Variants in CDK14 observed in about 807,000 individuals in gnomAD.
CDK14 encodes the protein cyclin-dependent kinase 14.
In CDK14, 34 loss-of-function variants were observed where a neutral mutation model predicts 60.7. That is an observed-to-expected ratio of 0.56 (90% CI 0.43 to 0.75). The LOEUF (loss-of-function observed/expected upper bound fraction) is 0.75. Ranked by LOEUF, CDK14 falls within the 30% of genes least tolerant of loss-of-function variation. CDK14 has a pLI of 0.00. For missense variants in CDK14, 482 were observed against 564.1 expected (o/e 0.85, Z 1.47); for synonymous variants, 197 against 203.7 (o/e 0.97, Z 0.28).
intron 5 of CDK14, among the ~76,000 whole-genome samples, chr7:90,857,994 T>C (rs1452306790): frequency 6.6e-6 from 1 of 152,228 alleles, no homozygotes; most frequent in African/African-American, 2.4e-5. Flanking sequence ...ATTATGTTAA[T>C]CTTAAAAGCA....
chr7:90,671,694 A>G (rs1188638796), intron 2 of CDK14, among the ~76,000 whole-genome samples: 4 of 152,156 alleles, frequency 2.6e-5, no homozygotes, highest in Admixed American at 6.6e-5. Context: ...TAGCTTATAT[A>G]TCACCACTAG....
At chr7:90,669,270 A>G (rs959461837) in intron 2 of CDK14, among the ~76,000 whole-genome samples, 1 of 152,196 alleles carries the variant, frequency 6.6e-6, no homozygotes, top group African/African-American at 2.4e-5. Context: ...CCAAGTTGTA[A>G]TGGATATCTG....
intron 2 of CDK14, among the ~76,000 whole-genome samples, chr7:90,703,209 C>T (rs1022391225): frequency 1.3e-5 from 2 of 152,134 alleles, no homozygotes; most frequent in Admixed American, 1.3e-4. Context: ...TTGATGCTAT[C>T]CCAAGGATTT....
chr7:90,986,383 C>T (rs1026995799), intron 10 of CDK14, among the ~76,000 whole-genome samples: 1 of 151,926 alleles, frequency 6.6e-6, no homozygotes, highest in African/African-American at 2.4e-5. Flanking sequence ...ACTATTTGTT[C>T]ATATCCATCC....
intron 9 of CDK14, among the ~76,000 whole-genome samples, chr7:90,977,053 T>A (rs976483106): frequency 1.1e-4 from 17 of 152,174 alleles, no homozygotes; most frequent in Admixed American, 6.6e-5. Flanking sequence ...CTTCTAGTAG[T>A]TTTACCGTTT....
At chr7:91,094,080 T>C (rs767594146) in intron 12 of CDK14, among the ~76,000 whole-genome samples, 1 of 152,110 alleles carries the variant, frequency 6.6e-6, no homozygotes, top group East Asian at 1.9e-4. Flanking sequence ...CTATGCTAAC[T>C]ACCTGGGTAA....
At chr7:90,941,410 T>G (rs1222257809) in intron 8 of CDK14, among the ~76,000 whole-genome samples, 1 of 152,140 alleles carries the variant, frequency 6.6e-6, no homozygotes, top group Non-Finnish European at 1.5e-5. Context: ...TTCCAGGACA[T>G]TGGGGCTCCT....
intron 14 of CDK14, among the ~76,000 whole-genome samples, chr7:91,201,688 A>T (rs1189103923): frequency 6.6e-6 from 1 of 152,092 alleles, no homozygotes. Flanking sequence ...GCATGTGTGT[A>T]GTGGTGTGTG....
chr7:90,909,786 G>A (rs1387035216), intron 7 of CDK14, among the ~76,000 whole-genome samples: 1 of 151,462 alleles, frequency 6.6e-6, no homozygotes, highest in Non-Finnish European at 1.5e-5. Context: ...TCTCCAGAAA[G>A]TTCTCATCTT....
intron 6 of CDK14, among the ~76,000 whole-genome samples, chr7:90,875,884 T>C (rs1791541631): frequency 6.6e-6 from 1 of 152,138 alleles, no homozygotes; most frequent in African/African-American, 2.4e-5. Context: ...GTACCTTTGC[T>C]CTGAATATTT....
chr7:90,917,243 A>G (rs1368269079), intron 7 of CDK14, among the ~76,000 whole-genome samples: 2 of 152,186 alleles, frequency 1.3e-5, no homozygotes, highest in African/African-American at 2.4e-5. Context: ...CTATAATATT[A>G]TGAATAGATT....
intron 1 of CDK14, among the ~76,000 whole-genome samples, chr7:90,597,781 A>T (rs1480657453): frequency 1.3e-5 from 2 of 151,966 alleles, no homozygotes. Context: ...TCATTGTAAG[A>T]TATGCAAACT....
intron 14 of CDK14, among the ~76,000 whole-genome samples, chr7:91,192,798 G>A (rs1045678547): frequency 1.3e-5 from 2 of 152,036 alleles, no homozygotes; most frequent in African/African-American, 4.8e-5. Context: ...AAAAAGAATG[G>A]AAAGTGAGGG....
intron 5 of CDK14, among the ~76,000 whole-genome samples, chr7:90,803,248 A>T (rs1788709354): frequency 6.6e-6 from 1 of 152,126 alleles, no homozygotes; most frequent in South Asian, 2.1e-4. Flanking sequence ...GGATTGAGTA[A>T]GAGACAGAGG....
intron 5 of CDK14, among the ~76,000 whole-genome samples, chr7:90,827,799 TC>T (rs1789778244): frequency 6.6e-6 from 1 of 152,242 alleles, no homozygotes; most frequent in Non-Finnish European, 1.5e-5. Context: ...TATATTTGGT[TC>T]TTTTAAAGCC....
Position 91,162,704 on chromosome 7 carries a change from T to C in CDK14, c.*29-44461T>C, listed in dbSNP as rs370732309. ...CTCATTTACCATATGAAGAAAATAATAGTCATATCTACCTCATAGTATCGT... is the reference window on the plus strand; with the variant it reads ...CTCATTTACCATATGAAGAAAATAACAGTCATATCTACCTCATAGTATCGT... On this transcript the variant is annotated intron_variant, in intron 14 of 14. Coordinates refer to ENST00000380050, the MANE Select transcript of CDK14 (RefSeq NM_001287135.2). Among the ~76,000 whole-genome samples the C allele has an allele frequency of 1.0e-3, 158 of 152,330 alleles. 8 individuals carry two copies. The South Asian group carries it at 0.024, about 23-fold the overall frequency.
intron 6 of CDK14, among the ~76,000 whole-genome samples, chr7:90,872,313 T>C (rs1470424252): frequency 1.3e-5 from 2 of 152,222 alleles, no homozygotes; most frequent in African/African-American, 4.8e-5. Context: ...CTAGTTATGC[T>C]GTATAATACT....
At chr7:90,748,320 GCT>G (rs1554327708) in intron 4 of CDK14, among the ~76,000 whole-genome samples, 1 of 151,798 alleles carries the variant, frequency 6.6e-6, no homozygotes, top group Non-Finnish European at 1.5e-5. Context: ...TCTCTCCATT[GCT>G]CTCTGGGGGT....
chr7:90,890,780 C>T (rs1792094875), intron 6 of CDK14, among the ~76,000 whole-genome samples: 1 of 152,114 alleles, frequency 6.6e-6, no homozygotes, highest in Non-Finnish European at 1.5e-5. Flanking sequence ...GCATTGATTG[C>T]TGTAGAAGAA....
Sources: gnomAD v4.1 joint callset for allele counts (sites outside exome capture counted in the v4.1 genomes callset) on GRCh38, gnomAD v4.1.1 for gene constraint, MANE v1.5 for transcripts, NCBI Gene and HGNC (gene_info 2026-07-23, HGNC 2026-07-21) for gene names.